The following CHLSN variants were observed in gnomAD, a reference collection of about 807,000 sequenced individuals.
The protein encoded by CHLSN is cholesin.
chr7:994,552 T>A, the CHLSN span, among the ~76,000 whole-genome samples: 4 of 152,120 alleles, frequency 2.6e-5, no homozygotes, highest in Admixed American at 6.5e-5. Flanking sequence ...CAAGCCATCC[T>A]CCCACCTCAG....
the CHLSN span, among the ~76,000 whole-genome samples, chr7:1,132,652 C>T: frequency 6.7e-6 from 1 of 149,050 alleles, no homozygotes; most frequent in Non-Finnish European, 1.5e-5. Context: ...CATGATTATG[C>T]CACTGCAACC....
the CHLSN span, among the ~76,000 whole-genome samples, chr7:1,070,834 C>G: frequency 4.9e-5 from 7 of 144,266 alleles, no homozygotes; most frequent in African/African-American, 1.7e-4. Context: ...CACACATATA[C>G]ACACAACGCG....
At chr7:1,099,673 G>T in the CHLSN span, among the ~76,000 whole-genome samples, 1 of 152,362 alleles carries the variant, frequency 6.6e-6, no homozygotes, top group Admixed American at 6.5e-5. Flanking sequence ...AGAAAGTGGA[G>T]ATGCCAGCTC....
At chr7:983,214 G>T in the CHLSN span, 1 of 1,505,168 alleles carries the variant, frequency 6.6e-7, no homozygotes, top group African/African-American at 1.4e-5. Context: ...ACGTCCTCAT[G>T]GCCCTGCTGC....
At chr7:1,029,383 C>A in the CHLSN span, among the ~76,000 whole-genome samples, 2 of 152,212 alleles carry the variant, frequency 1.3e-5, no homozygotes, top group Non-Finnish European at 2.9e-5. Context: ...CTGCCTCGGC[C>A]TCCCAAAGTA....
At chr7:1,026,648 T>C in the CHLSN span, 1 of 152,222 alleles carries the variant, frequency 6.6e-6, no homozygotes, top group Non-Finnish European at 1.5e-5. Flanking sequence ...CCTGCCACTT[T>C]ACTGAAAATC....
chr7:1,104,965 G>GTT, the CHLSN span, among the ~76,000 whole-genome samples: 1 of 152,364 alleles, frequency 6.6e-6, no homozygotes, highest in East Asian at 1.9e-4. Context: ...ACTGAGAACA[G>GTT]TAAGTTCAGA....
chr7:1,057,938 G>A, the CHLSN span: 2 of 773,806 alleles, frequency 2.6e-6, no homozygotes, highest in East Asian at 2.4e-5. Flanking sequence ...TGGCCAGCGT[G>A]TACAACACGC....
At chr7:1,090,542 A>C in the CHLSN span, among the ~76,000 whole-genome samples, 12 of 105,362 alleles carry the variant, frequency 1.1e-4, no homozygotes, top group East Asian at 2.8e-4. Flanking sequence ...ATGGGACCCT[A>C]CCCACTGGCG....
the CHLSN span, chr7:1,092,191 C>G: frequency 6.2e-7 from 1 of 1,613,264 alleles, no homozygotes; most frequent in Non-Finnish European, 8.5e-7. Flanking sequence ...GAGCTTCGAC[C>G]GCTACATCGC....
At chr7:1,084,813 G>T in the CHLSN span, among the ~76,000 whole-genome samples, 1 of 152,256 alleles carries the variant, frequency 6.6e-6, no homozygotes, top group East Asian at 1.9e-4. Flanking sequence ...CGGCAACGCT[G>T]AAAACCAGGG....
chr7:1,032,316 G>A, the CHLSN span, among the ~76,000 whole-genome samples: 1 of 152,248 alleles, frequency 6.6e-6, no homozygotes, highest in African/African-American at 2.4e-5. Flanking sequence ...CCAGAGCAGA[G>A]AAGGTGCCGT....
At chr7:1,021,620 A>C in the CHLSN span, 1 of 973,944 alleles carries the variant, frequency 1.0e-6, no homozygotes, top group Non-Finnish European at 1.2e-6. Flanking sequence ...ACAATCTGCC[A>C]GCCCCAGTGT....
At chr7:984,284 G>A in the CHLSN span, 374 of 1,261,754 alleles carry the variant, frequency 3.0e-4, 4 homozygotes, top group South Asian at 4.2e-3. Flanking sequence ...GCATCTAGGC[G>A]TGCCCCCTCC....
chr7:1,082,438 G>A, the CHLSN span, among the ~76,000 whole-genome samples: 1 of 152,226 alleles, frequency 6.6e-6, no homozygotes, highest in South Asian at 2.1e-4. Flanking sequence ...TGGGCCGTTG[G>A]TCTGAGTTAC....
chr7:1,110,859 A>C, the CHLSN span, among the ~76,000 whole-genome samples: 7 of 152,198 alleles, frequency 4.6e-5, no homozygotes, highest in Non-Finnish European at 7.4e-5. Flanking sequence ...ACAAAAAAAA[A>C]CCAAATGACC....
the CHLSN span, among the ~76,000 whole-genome samples, chr7:1,034,229 T>G: frequency 3.7e-4 from 56 of 152,290 alleles, 1 homozygote; most frequent in South Asian, 1.2e-3. Flanking sequence ...GTATGGGACT[T>G]AAATGCTAAA....
the CHLSN span, among the ~76,000 whole-genome samples, chr7:1,048,122 C>T: frequency 2.0e-5 from 3 of 152,040 alleles, no homozygotes; most frequent in African/African-American, 7.2e-5. Flanking sequence ...ATGTCAAGGA[C>T]GAGCCAGTGT....
At chr7:1,017,631 A>G in the CHLSN span, among the ~76,000 whole-genome samples, 29 of 151,276 alleles carry the variant, frequency 1.9e-4, 1 homozygote, top group Admixed American at 1.8e-3. Flanking sequence ...GGGAAACAAG[A>G]CACGGACTCA....
Sources: gnomAD v4.1 joint callset for allele counts (sites outside exome capture counted in the v4.1 genomes callset) on GRCh38, gnomAD v4.1.1 for gene constraint, MANE v1.5 for transcripts, NCBI Gene and HGNC (gene_info 2026-07-23, HGNC 2026-07-21) for gene names.